Variants in IGF1R observed in about 807,000 individuals in gnomAD.
IGF1R encodes insulin-like growth factor 1 receptor.
Under a neutral mutation model 144.6 loss-of-function variants are expected in IGF1R, and 44 were observed. The ratio of observed to expected loss-of-function variants is 0.30; its 90% confidence interval spans 0.24 to 0.39. The LOEUF (loss-of-function observed/expected upper bound fraction) is 0.39. IGF1R is among the 10% of genes least tolerant of loss of function. The pLI, the probability that IGF1R is intolerant of heterozygous loss-of-function variation, is 1.00. For missense variants in IGF1R, 1,355 were observed against 1,833.7 expected, an observed-to-expected ratio of 0.74 and a Z score of 4.77; for synonymous variants, 795 against 722.8, an observed-to-expected ratio of 1.10 and a Z score of -1.60.
At chr15:98,853,278 G>T (rs940689580) in intron 2 of IGF1R, among the ~76,000 whole-genome samples, 1 of 152,126 alleles carries the variant, frequency 6.6e-6, no homozygotes, top group African/African-American at 2.4e-5. Flanking sequence ...TCTGAATCAG[G>T]TTTCCCATTT....
Position 98,728,007 on chromosome 15 carries a change from G to GTTTTTTTT in IGF1R, c.640+19915_640+19922dup, listed in dbSNP as rs10680958. Among the ~76,000 whole-genome samples the GTTTTTTTT allele has an allele frequency of 5.5e-5, 6 of 108,738 alleles. 1 individual carries two copies. The highest frequency in any genetic ancestry group is 1.1e-4 in the Admixed American group (1 of 9,486). The allele number at this position is 108,738 out of a possible 152,430, so 71.3% of individuals were successfully genotyped here. On this transcript the variant is annotated intron_variant, in intron 2 of 20. Coordinates refer to ENST00000650285, the MANE Select transcript of IGF1R (RefSeq NM_000875.5). Reference sequence around the variant, plus strand: ...CCACTGTACTCACTGAAGATGCATTGTTTTTTTTTTTTTTTTTTTTTTAAG... The same window carrying GTTTTTTTT: ...CCACTGTACTCACTGAAGATGCATTGTTTTTTTTTTTTTTTTTTTTTTTTTTTTTTAAG...
intron 20 of IGF1R, among the ~76,000 whole-genome samples, chr15:98,954,739 A>C (rs1330533492): frequency 1.3e-5 from 2 of 152,334 alleles, no homozygotes; most frequent in Non-Finnish European, 2.9e-5. Flanking sequence ...AGAGGAATTC[A>C]CAGCCCAGGC....
intron 1 of IGF1R, among the ~76,000 whole-genome samples, chr15:98,679,280 A>G (rs56803094): frequency 0.19 from 29,427 of 152,114 alleles, 3,140 homozygotes; most frequent in Non-Finnish European, 0.23. Flanking sequence ...GCTCAGTTGT[A>G]TGTAGTATTT....
intron 10 of IGF1R, 64 bp from the exon 11 acceptor site, chr15:98,922,084 C>T (rs2151690510): frequency 6.4e-7 from 1 of 1,563,964 alleles, no homozygotes; most frequent in Non-Finnish European, 8.8e-7. Context: ...TACTCTTACT[C>T]AAGTCATAGA....
At chr15:98,956,084 G>C (rs1048143171) in intron 20 of IGF1R, among the ~76,000 whole-genome samples, 1 of 152,192 alleles carries the variant, frequency 6.6e-6, no homozygotes, top group East Asian at 1.9e-4. Flanking sequence ...CTGCATTCTG[G>C]AAGCTTGTCA....
intron 2 of IGF1R, among the ~76,000 whole-genome samples, chr15:98,837,979 G>A (rs897139044): frequency 1.3e-5 from 2 of 152,152 alleles, no homozygotes; most frequent in Non-Finnish European, 1.5e-5. Flanking sequence ...GGATCTGTTG[G>A]CTTGCAAAGC....
chr15:98,801,474 T>C (rs2056362810), intron 2 of IGF1R, among the ~76,000 whole-genome samples: 2 of 152,200 alleles, frequency 1.3e-5, no homozygotes, highest in African/African-American at 4.8e-5. Context: ...CAGCTGCCTG[T>C]GTGAGCCTCG....
At chr15:98,852,690 G>C (rs373337539) in intron 2 of IGF1R, among the ~76,000 whole-genome samples, 6 of 152,350 alleles carry the variant, frequency 3.9e-5, no homozygotes, top group East Asian at 3.9e-4. Context: ...CGAGCGCAGA[G>C]TGCAGAGTCG....
chr15:98,653,016 C>T (rs874305), intron 1 of IGF1R, among the ~76,000 whole-genome samples: 61,845 of 150,580 alleles, frequency 0.41, 12,812 homozygotes, highest in African/African-American at 0.44. Context: ...TTATTACATA[C>T]ATTTGACAGG....
intron 2 of IGF1R, among the ~76,000 whole-genome samples, chr15:98,761,010 A>G (rs1356261083): frequency 2.0e-5 from 3 of 152,270 alleles, no homozygotes; most frequent in African/African-American, 7.2e-5. Context: ...AGATGAGTTT[A>G]GCACAGAGCT....
At chr15:98,867,670 C>T (rs2012529765) in intron 2 of IGF1R, among the ~76,000 whole-genome samples, 1 of 152,170 alleles carries the variant, frequency 6.6e-6, no homozygotes, top group African/African-American at 2.4e-5. Flanking sequence ...TCACAATTGC[C>T]TGACATGCCT....
At chr15:98,800,137 C>T (rs911426361) in intron 2 of IGF1R, among the ~76,000 whole-genome samples, 4 of 152,066 alleles carry the variant, frequency 2.6e-5, no homozygotes, top group Non-Finnish European at 5.9e-5. Flanking sequence ...TGGTGTTTTA[C>T]AGAGCTTGTT....
intron 2 of IGF1R, among the ~76,000 whole-genome samples, chr15:98,729,228 A>G (rs1386271903): frequency 6.6e-6 from 1 of 152,242 alleles, no homozygotes; most frequent in Non-Finnish European, 1.5e-5. Context: ...AATTAAGTGG[A>G]AAAAGGTGTA....
intron 1 of IGF1R, among the ~76,000 whole-genome samples, chr15:98,673,858 G>T (rs145065866): frequency 6.6e-6 from 1 of 152,292 alleles, no homozygotes; most frequent in Non-Finnish European, 1.5e-5. Context: ...CATGTCTGAG[G>T]CCAGCATCTT....
chr15:98,679,548 G>A (rs540884291), intron 1 of IGF1R, among the ~76,000 whole-genome samples: 14 of 152,300 alleles, frequency 9.2e-5, no homozygotes, highest in African/African-American at 2.6e-4. Context: ...CACTGCTCAC[G>A]TGTTTGTGTT....
intron 2 of IGF1R, among the ~76,000 whole-genome samples, chr15:98,866,789 C>T (rs1245714940): frequency 6.6e-6 from 1 of 152,176 alleles, no homozygotes; most frequent in Non-Finnish European, 1.5e-5. Context: ...CGCTTGTTTG[C>T]TCCCATCATG....
intron 2 of IGF1R, among the ~76,000 whole-genome samples, chr15:98,862,078 A>G (rs939906852): frequency 2.6e-5 from 4 of 152,224 alleles, no homozygotes; most frequent in Non-Finnish European, 5.9e-5. Flanking sequence ...TCCCTACCAC[A>G]TAGTGGTGGA....
intron 2 of IGF1R, among the ~76,000 whole-genome samples, chr15:98,852,326 G>A (rs1682022699): frequency 6.6e-6 from 1 of 152,016 alleles, no homozygotes; most frequent in African/African-American, 2.4e-5. Flanking sequence ...CCCGGGTGAG[G>A]GAAGAGGGAG....
intron 2 of IGF1R, among the ~76,000 whole-genome samples, chr15:98,883,179 G>A (rs552313544): frequency 3.9e-5 from 6 of 152,334 alleles, no homozygotes; most frequent in African/African-American, 9.6e-5. Context: ...AAGACACAGC[G>A]CTTGCCACTT....
Sources: allele counts gnomAD v4.1 joint callset (sites outside exome capture counted in the v4.1 genomes callset), GRCh38; gene constraint gnomAD v4.1.1; transcripts MANE v1.5; gene names NCBI Gene and HGNC (gene_info 2026-07-23, HGNC 2026-07-21).